The following GPC6 variants were observed in gnomAD, a reference collection of about 807,000 sequenced individuals.
The protein encoded by GPC6 is glypican 6, also known as glypican-6.
Under a neutral mutation model 55.2 loss-of-function variants are expected in GPC6, and 14 were observed. The ratio of observed to expected loss-of-function variants is 0.25; its 90% confidence interval spans 0.17 to 0.40. GPC6 has a LOEUF of 0.40. Among genes scored for constraint, GPC6 ranks in the 10% least tolerant of loss-of-function variants. The pLI, the probability that GPC6 is intolerant of heterozygous loss-of-function variation, is 1.00. For missense variants in GPC6, 641 were observed against 708.5 expected, an observed-to-expected ratio of 0.90 and a Z score of 1.08; for synonymous variants, 278 against 259.6, an observed-to-expected ratio of 1.07 and a Z score of -0.68.
At chr13:94,082,542 T>TAGTGACATCTCA (rs1454276134) in intron 4 of GPC6, among the ~76,000 whole-genome samples, 2 of 152,162 alleles carry the variant, frequency 1.3e-5, no homozygotes, top group African/African-American at 4.8e-5. Flanking sequence ...ACGCTTCAGA[T>TAGTGACATCTCA]AGTGACATCT....
At chr13:93,351,311 T>C (rs2139164377) in intron 1 of GPC6, among the ~76,000 whole-genome samples, 1 of 152,162 alleles carries the variant, frequency 6.6e-6, no homozygotes, top group South Asian at 2.1e-4. Context: ...TGCTGTAAAA[T>C]AAAAATATAA....
intron 6 of GPC6, among the ~76,000 whole-genome samples, chr13:94,308,251 GAC>G (rs1277016135): frequency 6.6e-6 from 1 of 152,172 alleles, no homozygotes; most frequent in Non-Finnish European, 1.5e-5. Flanking sequence ...TGTTTCTAAA[GAC>G]AATGTTTTTG....
At chr13:94,201,325 A>G (rs1272937419) in intron 4 of GPC6, among the ~76,000 whole-genome samples, 1 of 152,120 alleles carries the variant, frequency 6.6e-6, no homozygotes, top group Admixed American at 6.5e-5. Flanking sequence ...GCGGGAGGAG[A>G]CAGAGCCAGC....
chr13:93,791,874 C>G (rs964226432), intron 2 of GPC6, among the ~76,000 whole-genome samples: 5 of 152,328 alleles, frequency 3.3e-5, no homozygotes, highest in Admixed American at 2.0e-4. Flanking sequence ...TCAAATGAAT[C>G]TGTTAGCATC....
At chr13:94,088,919 C>A (rs1406612097) in intron 4 of GPC6, among the ~76,000 whole-genome samples, 1 of 152,104 alleles carries the variant, frequency 6.6e-6, no homozygotes, top group African/African-American at 2.4e-5. Flanking sequence ...TATAAAATCT[C>A]TATCTGACAT....
At chr13:94,173,375 C>T (rs1380828755) in intron 4 of GPC6, among the ~76,000 whole-genome samples, 1 of 152,082 alleles carries the variant, frequency 6.6e-6, no homozygotes, top group Non-Finnish European at 1.5e-5. Context: ...AAGATGGCTT[C>T]CTGGTTAGGA....
At chr13:94,396,578 T>A (rs1880906526) in intron 7 of GPC6, among the ~76,000 whole-genome samples, 1 of 152,222 alleles carries the variant, frequency 6.6e-6, no homozygotes. Flanking sequence ...GGCAGATCCC[T>A]GAAAGCTGGG....
chr13:93,919,611 T>G (rs759492210), intron 3 of GPC6, among the ~76,000 whole-genome samples: 48 of 152,230 alleles, frequency 3.2e-4, no homozygotes, highest in Non-Finnish European at 5.7e-4. Flanking sequence ...GAAGCATTAA[T>G]GAATGCTTTG....
chr13:93,298,007 A>G (rs950672769), intron 1 of GPC6, among the ~76,000 whole-genome samples: 1 of 152,172 alleles, frequency 6.6e-6, no homozygotes, highest in African/African-American at 2.4e-5. Flanking sequence ...ACCTAGACTA[A>G]TCTTCCCTTC....
chr13:93,383,692 G>T (rs1242738851), intron 1 of GPC6, among the ~76,000 whole-genome samples: 6 of 151,826 alleles, frequency 4.0e-5, no homozygotes, highest in Non-Finnish European at 7.4e-5. Flanking sequence ...ACTAAGAGAA[G>T]AAACTGTTTT....
intron 3 of GPC6, among the ~76,000 whole-genome samples, chr13:93,863,036 C>T (rs908197848): frequency 6.6e-6 from 1 of 151,626 alleles, no homozygotes; most frequent in South Asian, 2.1e-4. Flanking sequence ...TATGTCCCTT[C>T]CAGTTTTGGC....
chr13:94,265,694 G>T (rs1891780076), intron 4 of GPC6, among the ~76,000 whole-genome samples: 1 of 152,292 alleles, frequency 6.6e-6, no homozygotes, highest in African/African-American at 2.4e-5. Flanking sequence ...GGTAAAACTT[G>T]CAGAGAAGGA....
In GPC6 at chr13:93,710,975, G is replaced by A. The variant is rs150890602; in HGVS notation, c.320-119179G>A. Among the ~76,000 whole-genome samples the A allele has an allele frequency of 6.6e-5, 10 of 151,872 alleles. No individual in the cohort carries two copies. The East Asian group carries it at 1.8e-3, about 27-fold the overall frequency. Reference sequence around the variant, plus strand: ...TTATTAGAAGACTGAAAGCATTTCTGTTCATAACTTGTTCATTCTTTTTCC... The same window carrying A: ...TTATTAGAAGACTGAAAGCATTTCTATTCATAACTTGTTCATTCTTTTTCC... On this transcript the variant is annotated intron_variant, in intron 2 of 8. Coordinates refer to ENST00000377047, the MANE Select transcript of GPC6 (RefSeq NM_005708.5).
chr13:94,226,513 A>G (rs1045446046), intron 4 of GPC6, among the ~76,000 whole-genome samples: 1 of 152,196 alleles, frequency 6.6e-6, no homozygotes, highest in Non-Finnish European at 1.5e-5. Flanking sequence ...CCATGTGTAC[A>G]TGTATTAAAA....
intron 1 of GPC6, among the ~76,000 whole-genome samples, chr13:93,321,426 G>A (rs991111402): frequency 6.6e-6 from 1 of 151,852 alleles, no homozygotes; most frequent in Non-Finnish European, 1.5e-5. Flanking sequence ...GTTATTTCTT[G>A]GATTTGAGGG....
intron 1 of GPC6, among the ~76,000 whole-genome samples, chr13:93,297,932 T>C (rs1425136832): frequency 6.6e-6 from 1 of 152,194 alleles, no homozygotes; most frequent in Non-Finnish European, 1.5e-5. Context: ...GCAATCCCTC[T>C]GTCTTACAAT....
chr13:94,329,992 G>A (rs1006819814), intron 6 of GPC6, among the ~76,000 whole-genome samples: 1 of 152,164 alleles, frequency 6.6e-6, no homozygotes, highest in Admixed American at 6.5e-5. Context: ...ACTTGAATAT[G>A]CCTTCTGAGA....
intron 4 of GPC6, among the ~76,000 whole-genome samples, chr13:94,183,694 G>A (rs1211463377): frequency 2.0e-5 from 3 of 152,126 alleles, no homozygotes; most frequent in Non-Finnish European, 2.9e-5. Context: ...ATCTACGAGG[G>A]TTTCAATTTC....
intron 4 of GPC6, among the ~76,000 whole-genome samples, chr13:94,060,860 A>T (rs1158204238): frequency 6.6e-6 from 1 of 152,186 alleles, no homozygotes; most frequent in Non-Finnish European, 1.5e-5. Context: ...AAAATTATTA[A>T]GTAGCTCTCT....
Sources: allele counts gnomAD v4.1 joint callset (sites outside exome capture counted in the v4.1 genomes callset), GRCh38; gene constraint gnomAD v4.1.1; transcripts MANE v1.5; gene names NCBI Gene and HGNC (gene_info 2026-07-23, HGNC 2026-07-21).